IQGAP2: variants seen among roughly 807,000 people sequenced by gnomAD.
The protein encoded by IQGAP2 is IQ motif containing GTPase activating protein 2.
Under a neutral mutation model 201.3 loss-of-function variants are expected in IQGAP2, and 173 were observed. The ratio of observed to expected loss-of-function variants is 0.86; its 90% CI spans 0.76 to 0.98. IQGAP2 has a LOEUF of 0.98. IQGAP2 is among the 50% of genes least tolerant of loss of function. IQGAP2 has a pLI of 0.00. For synonymous variants in IQGAP2, 675 were observed against 673.9 expected (o/e 1.00, Z -0.03); for missense variants, 1,687 against 1,864.8 (o/e 0.90, Z 1.76).
At chr5:76,642,056 C>G (rs371806) in intron 17 of IQGAP2, among the ~76,000 whole-genome samples, 94,338 of 151,942 alleles carry the variant, frequency 0.62, 29,437 homozygotes, top group South Asian at 0.79. Flanking sequence ...AAAGAAATTT[C>G]TACTATAAAT....
intron 4 of IQGAP2, among the ~76,000 whole-genome samples, chr5:76,573,456 G>T (rs575778198): frequency 6.6e-6 from 1 of 152,188 alleles, no homozygotes; most frequent in Non-Finnish European, 1.5e-5. Context: ...AAACATTCTG[G>T]TGAATGATAA....
rs541711357 is a variant in IQGAP2 at position 76,548,520 on chromosome 5, A to C, written c.147-13876A>C. On this transcript the variant is annotated intron_variant, in intron 2 of 35. Coordinates refer to ENST00000274364, the MANE Select transcript of IQGAP2 (RefSeq NM_006633.5). ...AAGCCCTGTTCACCCTATTAATCTT[A>C]AGTGATTTGTCAGAGCAGAGTGGCA... Among the ~76,000 whole-genome samples, 11 of 152,332 alleles carry C rather than the reference A, an allele frequency of 7.2e-5. No individual in the cohort carries two copies. In the South Asian group the frequency reaches 2.3e-3, roughly 32 times the overall value.
intron 2 of IQGAP2, among the ~76,000 whole-genome samples, chr5:76,512,691 A>G (rs2150184165): frequency 6.6e-6 from 1 of 152,380 alleles, no homozygotes; most frequent in East Asian, 1.9e-4. Flanking sequence ...TACAATTTTC[A>G]GAAAAAAGTA....
intron 2 of IQGAP2, among the ~76,000 whole-genome samples, chr5:76,466,426 C>G (rs1318642056): frequency 6.6e-6 from 1 of 152,110 alleles, no homozygotes; most frequent in Non-Finnish European, 1.5e-5. Context: ...AGTTGGAGGA[C>G]TCATTTTTCA....
chr5:76,654,162 T>C (rs1275679287), intron 18 of IQGAP2, 38 bp from the exon 19 acceptor site: 3 of 1,430,548 alleles, frequency 2.1e-6, no homozygotes, highest in Non-Finnish European at 2.9e-6. Context: ...TTTCTCTTTA[T>C]TTTTTGTTGT....
At chr5:76,500,303 G>A (rs2150167605) in intron 2 of IQGAP2, among the ~76,000 whole-genome samples, 1 of 152,248 alleles carries the variant, frequency 6.6e-6, no homozygotes, top group South Asian at 2.1e-4. Context: ...GTAGAGGTAG[G>A]GACCTAAGAA....
intron 1 of IQGAP2, among the ~76,000 whole-genome samples, chr5:76,449,846 G>A (rs762538928): frequency 6.6e-6 from 1 of 152,160 alleles, no homozygotes; most frequent in African/African-American, 2.4e-5. Flanking sequence ...ACAGTACCAC[G>A]ATCCAGTTCC....
chr5:76,508,755 C>T (rs967275533), intron 2 of IQGAP2, among the ~76,000 whole-genome samples: 8 of 150,364 alleles, frequency 5.3e-5, no homozygotes, highest in Admixed American at 2.7e-4. Context: ...GGAAAAAATA[C>T]GAAATGGACA....
intron 2 of IQGAP2, among the ~76,000 whole-genome samples, chr5:76,522,182 A>T (rs1237663565): frequency 6.9e-6 from 1 of 144,738 alleles, no homozygotes; most frequent in South Asian, 2.2e-4. Context: ...TATCCCTAGA[A>T]TTTTTTTTTT....
At chr5:76,539,481 C>G (rs1742613547) in intron 2 of IQGAP2, among the ~76,000 whole-genome samples, 1 of 152,200 alleles carries the variant, frequency 6.6e-6, no homozygotes, top group Non-Finnish European at 1.5e-5. Flanking sequence ...ACTGTGAAGT[C>G]TTCAGCTCAG....
chr5:76,659,419 T>G (rs1204316767), intron 21 of IQGAP2, among the ~76,000 whole-genome samples: 1 of 151,988 alleles, frequency 6.6e-6, no homozygotes. Flanking sequence ...CAGCTACAGA[T>G]TATGAGGGCT....
chr5:76,404,763 T>G (rs914646251), intron 1 of IQGAP2, among the ~76,000 whole-genome samples: 2 of 152,230 alleles, frequency 1.3e-5, no homozygotes, highest in Non-Finnish European at 2.9e-5. Context: ...CTCTGTACTC[T>G]AATGCATTCA....
chr5:76,647,361 G>A (rs1752129666), intron 17 of IQGAP2, among the ~76,000 whole-genome samples: 1 of 152,076 alleles, frequency 6.6e-6, no homozygotes, highest in Non-Finnish European at 1.5e-5. Context: ...ATGCCAATGG[G>A]TACAGGCTCT....
intron 2 of IQGAP2, among the ~76,000 whole-genome samples, chr5:76,513,795 A>G (rs12332250): frequency 0.21 from 31,596 of 152,028 alleles, 4,005 homozygotes; most frequent in African/African-American, 0.36. Context: ...TTATACATTC[A>G]TCAAAATACA....
chr5:76,594,193 A>G (rs1390301921), intron 9 of IQGAP2, among the ~76,000 whole-genome samples: 2 of 152,184 alleles, frequency 1.3e-5, no homozygotes, highest in Non-Finnish European at 2.9e-5. Context: ...GAAAGCTGAG[A>G]ACTTCGTGAT....
At chr5:76,584,853 C>T (rs898379678) in intron 5 of IQGAP2, among the ~76,000 whole-genome samples, 6 of 152,148 alleles carry the variant, frequency 3.9e-5, no homozygotes, top group Non-Finnish European at 8.8e-5. Context: ...GAAACTGCCA[C>T]TGAAGGAAGC....
intron 2 of IQGAP2, among the ~76,000 whole-genome samples, chr5:76,533,192 A>G (rs1032934452): frequency 2.0e-5 from 3 of 151,846 alleles, no homozygotes; most frequent in Non-Finnish European, 4.4e-5. Context: ...TCACTTTGGT[A>G]TCTGATATTG....
At chr5:76,555,624 A>G (rs56405852) in intron 2 of IQGAP2, among the ~76,000 whole-genome samples, 128 of 152,346 alleles carry the variant, frequency 8.4e-4, no homozygotes, top group South Asian at 1.7e-3. Flanking sequence ...TGGCAATAGC[A>G]GTTTAATTCC....
At chr5:76,586,734 C>G (rs112856813) in intron 5 of IQGAP2, among the ~76,000 whole-genome samples, 1 of 152,340 alleles carries the variant, frequency 6.6e-6, no homozygotes, top group African/African-American at 2.4e-5. Flanking sequence ...CATCTGGCAC[C>G]TGTTGCTCAG....
Sources: gnomAD v4.1 joint callset for allele counts (sites outside exome capture counted in the v4.1 genomes callset) on GRCh38, gnomAD v4.1.1 for gene constraint, MANE v1.5 for transcripts, NCBI Gene and HGNC (gene_info 2026-07-23, HGNC 2026-07-21) for gene names.